The following GRIA1 variants were observed in gnomAD, a reference collection of about 807,000 sequenced individuals.
GRIA1 encodes the protein glutamate receptor 1.
Under a neutral mutation model 99.2 loss-of-function variants are expected in GRIA1, and 31 were observed. The observed-to-expected ratio is 0.31, with a 90% CI of 0.23 to 0.42. The LOEUF is 0.42. Ranked by LOEUF, GRIA1 falls within the 10% of genes least tolerant of loss-of-function variation. The pLI is 1.00. For missense variants in GRIA1, 782 were observed against 1,157.5 expected (o/e 0.68, Z 4.71); for synonymous variants, 438 against 432.4 (o/e 1.01, Z -0.16).
chr5:153,793,208 C>G (rs1323258352), intron 13 of GRIA1, among the ~76,000 whole-genome samples: 1 of 152,196 alleles, frequency 6.6e-6, no homozygotes, highest in Non-Finnish European at 1.5e-5. Flanking sequence ...AATGTTTGCT[C>G]TGTCAACTGT....
At chr5:153,613,905 G>A (rs909201381) in intron 2 of GRIA1, among the ~76,000 whole-genome samples, 32 of 152,064 alleles carry the variant, frequency 2.1e-4, no homozygotes, top group African/African-American at 7.7e-4. Context: ...GCCCTTGCAC[G>A]CCCTGGACCC....
rs539954831 is a variant in GRIA1 at position 153,625,661 on chromosome 5, A to C, written c.221-21267A>C. Among the ~76,000 whole-genome samples the C allele has an allele frequency of 2.6e-5, 4 of 152,350 alleles. No homozygotes were observed. The East Asian group carries it at 7.7e-4, about 29-fold the overall frequency. On this transcript the variant is annotated intron_variant, in intron 2 of 15. Coordinates refer to ENST00000285900, the MANE Select transcript of GRIA1 (RefSeq NM_000827.4). The stretch of plus-strand genomic sequence containing the variant: ...AGGGTCCAAAGGAAGCAGAAATTTC[A>C]TTTATTTATGAAAAGTCAGAATAAA...
At chr5:153,724,097 C>T (rs1337827745) in intron 11 of GRIA1, among the ~76,000 whole-genome samples, 5 of 152,220 alleles carry the variant, frequency 3.3e-5, no homozygotes, top group East Asian at 1.9e-4. Context: ...CGAAAATCCG[C>T]GGTTCTGCAG....
chr5:153,679,194 G>C (rs1756800850), intron 7 of GRIA1, among the ~76,000 whole-genome samples: 1 of 152,114 alleles, frequency 6.6e-6, no homozygotes, highest in Admixed American at 6.5e-5. Context: ...CAAGCACTGA[G>C]GACAATAAAA....
intron 2 of GRIA1, among the ~76,000 whole-genome samples, chr5:153,626,385 G>T (rs1767604775): frequency 6.6e-6 from 1 of 151,508 alleles, no homozygotes; most frequent in South Asian, 2.1e-4. Flanking sequence ...GCTATGCCAG[G>T]CCTTGACTCT....
At chr5:153,712,176 C>G (rs1759360139) in intron 11 of GRIA1, among the ~76,000 whole-genome samples, 2 of 152,168 alleles carry the variant, frequency 1.3e-5, no homozygotes, top group African/African-American at 4.8e-5. Context: ...CTCAGCCTCC[C>G]CAGTAGCTGG....
chr5:153,789,350 G>A (rs1028888192), intron 13 of GRIA1, among the ~76,000 whole-genome samples: 1 of 149,030 alleles, frequency 6.7e-6, no homozygotes, highest in Non-Finnish European at 1.5e-5. Context: ...CTACATATAT[G>A]ATATAAATAA....
At chr5:153,744,059 G>T (rs557543599) in intron 11 of GRIA1, among the ~76,000 whole-genome samples, 1 of 152,252 alleles carries the variant, frequency 6.6e-6, no homozygotes, top group South Asian at 2.1e-4. Context: ...TGAGGATGAA[G>T]TTGAAGGTTC....
chr5:153,532,424 C>T (rs529060183), intron 2 of GRIA1, among the ~76,000 whole-genome samples: 1 of 152,268 alleles, frequency 6.6e-6, no homozygotes, highest in South Asian at 2.1e-4. Flanking sequence ...GGGACTCAAG[C>T]TATATCCCCA....
At chr5:153,576,870 T>C (rs1561656459) in intron 2 of GRIA1, among the ~76,000 whole-genome samples, 1 of 152,196 alleles carries the variant, frequency 6.6e-6, no homozygotes, top group African/African-American at 2.4e-5. Context: ...TTTATACGAA[T>C]GAGTTGCTAG....
chr5:153,552,006 C>T (rs1337968282), intron 2 of GRIA1, among the ~76,000 whole-genome samples: 1 of 152,130 alleles, frequency 6.6e-6, no homozygotes, highest in African/African-American at 2.4e-5. Flanking sequence ...TGAATCATCA[C>T]TTTGGAATTG....
At position 153,647,301 on chromosome 5, in the gene GRIA1, T is replaced by A. The variant is rs966262818; in HGVS notation, c.460+134T>A. On this transcript the variant is annotated intron_variant, in intron 3 of 15. Transcript: ENST00000285900. ...CAAAATGCTTTATTTCTGAGAAATC[T>A]GACTGATTTATCAGTAGCTGACCTC... 5.4e-5 allele frequency: 61 copies of A among 1,120,566 alleles called. No homozygotes were observed. The African/African-American group carries it at 7.2e-4, about 13-fold the overall frequency. The allele number at this position is 1,120,566 out of a possible 1,614,324, so 69.4% of individuals were successfully genotyped here.
chr5:153,638,163 A>C (rs1355297919), intron 2 of GRIA1, among the ~76,000 whole-genome samples: 2 of 152,220 alleles, frequency 1.3e-5, no homozygotes, highest in Non-Finnish European at 2.9e-5. Context: ...TGTAGTCATT[A>C]TGGGAACCCT....
At chr5:153,640,078 T>C (rs1753679289) in intron 2 of GRIA1, among the ~76,000 whole-genome samples, 1 of 152,206 alleles carries the variant, frequency 6.6e-6, no homozygotes, top group South Asian at 2.1e-4. Context: ...GATCAGTCTG[T>C]TTGCCCTGGC....
At chr5:153,620,752 G>T (rs1006183806) in intron 2 of GRIA1, among the ~76,000 whole-genome samples, 9 of 152,162 alleles carry the variant, frequency 5.9e-5, no homozygotes, top group Admixed American at 3.9e-4. Flanking sequence ...AGGTCTTATA[G>T]ACTGTAAATG....
At chr5:153,782,613 C>T (rs1461232) in intron 13 of GRIA1, among the ~76,000 whole-genome samples, 1 of 151,844 alleles carries the variant, frequency 6.6e-6, no homozygotes, top group Admixed American at 6.6e-5. Flanking sequence ...CTGGAAGTAC[C>T]ATAAAAATAA....
At chr5:153,719,573 G>A (rs1335908764) in intron 11 of GRIA1, among the ~76,000 whole-genome samples, 2 of 151,944 alleles carry the variant, frequency 1.3e-5, no homozygotes, top group African/African-American at 4.8e-5. Flanking sequence ...ACAGCACGAT[G>A]GCTGGGTTCC....
chr5:153,789,902 G>A (rs1157541822), intron 13 of GRIA1, among the ~76,000 whole-genome samples: 4 of 148,514 alleles, frequency 2.7e-5, no homozygotes, highest in African/African-American at 5.0e-5. Context: ...TGTTGTTGTT[G>A]TTATTTATCA....
chr5:153,561,975 A>G (rs1761169747), intron 2 of GRIA1, among the ~76,000 whole-genome samples: 1 of 152,240 alleles, frequency 6.6e-6, no homozygotes, highest in African/African-American at 2.4e-5. Flanking sequence ...GCGATAGAAC[A>G]CTGATAACAA....
Sources: allele counts gnomAD v4.1 joint callset (sites outside exome capture counted in the v4.1 genomes callset), GRCh38; gene constraint gnomAD v4.1.1; transcripts MANE v1.5; gene names NCBI Gene and HGNC (gene_info 2026-07-23, HGNC 2026-07-21).